TUBGCP4: variants seen among roughly 807,000 people sequenced by gnomAD.
TUBGCP4 encodes tubulin gamma complex component 4.
TUBGCP4 carries 54 observed loss-of-function variants against 91.6 expected under a neutral mutation model. That is an observed-to-expected ratio of 0.59 (90% CI 0.47 to 0.74). The LOEUF (loss-of-function observed/expected upper bound fraction) is 0.74, where lower values mean the gene tolerates loss of function less well. TUBGCP4 is among the 30% of genes least tolerant of loss of function. The probability of loss-of-function intolerance (pLI) is 0.00; values close to 1 mark genes in which losing one functional copy is unlikely to be tolerated. For synonymous variants in TUBGCP4, 297 were observed against 302.8 expected (o/e 0.98, Z 0.20); for missense variants, 593 against 800.9 (o/e 0.74, Z 3.13).
chr15:43,397,419 G>A (rs2044600052), intron 12 of TUBGCP4, 98 bp downstream of exon 12: 1 of 949,548 alleles, frequency 1.1e-6, no homozygotes. Context: ...ATATGATTTT[G>A]GATCTTAGAA....
chr15:43,409,652 C>G lies in TUBGCP4; in HGVS notation c.*4438C>G. ...TACACAAAGAAACTCCTCACCTGGG[C>G]TTCATTGAAATCTTCAAGGATATAG... On this transcript the variant is annotated 3_prime_UTR_variant, in exon 18 of 18. Transcript: ENST00000564079. 6.5e-7 allele frequency: 1 copy of G among 1,531,358 alleles called. No homozygotes were observed. Among genetic ancestry groups the G allele is most frequent in the Non-Finnish European group, 8.8e-7 (1 of 1,135,192 alleles). 94.9% of individuals were successfully genotyped at this position (1,531,358 alleles called of 1,614,324 possible).
intron 10 of TUBGCP4, 163 bp downstream of exon 10, chr15:43,395,320 GATA>G: frequency 1.3e-6 from 1 of 774,334 alleles, no homozygotes; most frequent in South Asian, 1.6e-5. Context: ...ACAAATCTAC[GATA>G]ATACAAAGAT....
chr15:43,377,950 T>A, intron 5 of TUBGCP4, 47 bp downstream of exon 5: 1 of 1,397,032 alleles, frequency 7.2e-7, no homozygotes, highest in Non-Finnish European at 9.8e-7. Flanking sequence ...ACTGAGGGAA[T>A]ATTACTAATT....
At chr15:43,403,400 AC>A in intron 15 of TUBGCP4, 1 of 256,938 alleles carries the variant, frequency 3.9e-6, no homozygotes, top group South Asian at 7.8e-5. Flanking sequence ...GCAGGAAGAC[AC>A]TCTGCGGGTC....
At chr15:43,402,228 C>G (rs2044698919) in intron 15 of TUBGCP4, 1 of 178,674 alleles carries the variant, frequency 5.6e-6, no homozygotes, top group African/African-American at 2.4e-5. Flanking sequence ...TGCAGTGAGC[C>G]AAGATCATTC....
chr15:43,403,593 T>C (rs938205232), intron 15 of TUBGCP4, 90 bp from the exon 16 acceptor site: 4 of 940,888 alleles, frequency 4.3e-6, no homozygotes, highest in Non-Finnish European at 6.7e-6. Flanking sequence ...ATTAATTAGA[T>C]CAGCTATTAA....
chr15:43,372,548 A>AC (rs1448100061), intron 1 of TUBGCP4, among the ~76,000 whole-genome samples: 1 of 151,368 alleles, frequency 6.6e-6, no homozygotes, highest in African/African-American at 2.4e-5. Flanking sequence ...ATATAGGAGG[A>AC]CAGTATTTAG....
At chr15:43,396,476 C>G (rs2044581237) in intron 11 of TUBGCP4, among the ~76,000 whole-genome samples, 1 of 152,186 alleles carries the variant, frequency 6.6e-6, no homozygotes, top group Admixed American at 6.5e-5. Context: ...AAAATACATA[C>G]ACACAGGCTG....
intron 9 of TUBGCP4, among the ~76,000 whole-genome samples, chr15:43,388,943 T>C (rs1313669693): frequency 6.6e-6 from 1 of 152,200 alleles, no homozygotes; most frequent in Non-Finnish European, 1.5e-5. Context: ...ACTATGTGAA[T>C]CTATTTCTGT....
At chr15:43,392,123 T>TA (rs2044481199) in intron 9 of TUBGCP4, among the ~76,000 whole-genome samples, 2 of 143,218 alleles carry the variant, frequency 1.4e-5, no homozygotes, top group African/African-American at 5.3e-5. Context: ...CACACACATA[T>TA]TTTTTTTTGT....
Position 43,383,451 on chromosome 15 carries a change from G to A in TUBGCP4, c.670G>A (p.Asp224Asn). Residue 224 changes from aspartate (D) to asparagine (N), a missense_variant, in exon 7 of 18, where the codon GAT becomes AAT. Coordinates refer to ENST00000564079, the MANE Select transcript of TUBGCP4 (RefSeq NM_014444.5). ...VSAQPEEDEEDLGIGGLTGKQ... is the reference protein window; with the variant it reads ...VSAQPEEDEENLGIGGLTGKQ... ...TGCCCAGCCAGAAGAGGACGAGGAG[G>A]ATCTGGGCATTGGGGGACTGACAGG... The A allele has an allele frequency of 1.2e-6, 2 of 1,613,788 alleles. No individual in the cohort carries two copies. The highest frequency in any genetic ancestry group is 1.7e-6 in the Non-Finnish European group (2 of 1,179,900).
At chr15:43,381,358 G>A (rs1383640494) in intron 6 of TUBGCP4, among the ~76,000 whole-genome samples, 1 of 152,060 alleles carries the variant, frequency 6.6e-6, no homozygotes, top group Non-Finnish European at 1.5e-5. Context: ...AAATAACACA[G>A]TCAAGTTCTT....
intron 12 of TUBGCP4, 73 bp downstream of exon 12, chr15:43,397,394 C>A: frequency 9.2e-7 from 1 of 1,084,232 alleles, no homozygotes; most frequent in Non-Finnish European, 1.4e-6. Context: ...GCTTCCATCC[C>A]CCGCCACAGA....
rs1416568038 is a variant in TUBGCP4 at position 43,406,408 on chromosome 15, G to GCTGT, written c.*1197_*1200dup. 9.2e-5 allele frequency: 31 copies of GCTGT among 337,294 alleles called. No homozygotes were observed. Among genetic ancestry groups the GCTGT allele is most frequent in the African/African-American group, 6.7e-4 (31 of 46,350 alleles). The allele number at this position is 337,294 out of a possible 1,614,324, so 20.9% of individuals were successfully genotyped here. A position where few individuals can be genotyped will look rare whatever the true frequency, so the allele number is the denominator to read the frequency against. ...TCAACTAAAGATCACCCTTTCTACT[G>GCTGT]CTGTCTCTGGAGCAGGAGCTGGCAA... On this transcript the variant is annotated 3_prime_UTR_variant, in exon 18 of 18. Coordinates refer to ENST00000564079, the MANE Select transcript of TUBGCP4 (RefSeq NM_014444.5).
At chr15:43,377,607 G>C (rs1811111171) in intron 4 of TUBGCP4, 1 of 375,450 alleles carries the variant, frequency 2.7e-6, no homozygotes, top group African/African-American at 3.9e-5. Flanking sequence ...GTGAGACCCT[G>C]TCTCAAAAAA....
chr15:43,407,324 C>G lies in TUBGCP4; in HGVS notation c.*2110C>G. On this transcript the variant is annotated 3_prime_UTR_variant, in exon 18 of 18. Coordinates refer to ENST00000564079, the MANE Select transcript of TUBGCP4 (RefSeq NM_014444.5). ...AGTTACACACAAGACACATTTAAAA[C>G]CTGGTTAAAACACAATCTCCACGAT... is the stretch of plus-strand genomic sequence containing the variant. The G allele has an allele frequency of 4.0e-6, 6 of 1,504,526 alleles. No individual in the cohort carries two copies. The highest frequency in any genetic ancestry group is 5.5e-6 in the Non-Finnish European group (6 of 1,091,284). The allele number at this position is 1,504,526 out of a possible 1,614,324, so 93.2% of individuals were successfully genotyped here. A position where few individuals can be genotyped will look rare whatever the true frequency, so the allele number is the denominator to read the frequency against.
At chr15:43,374,664 A>T (rs1470239841) in intron 1 of TUBGCP4, among the ~76,000 whole-genome samples, 2 of 152,186 alleles carry the variant, frequency 1.3e-5, no homozygotes, top group African/African-American at 4.8e-5. Context: ...GTTCTACTTC[A>T]GGGTATATCC....
intron 1 of TUBGCP4, among the ~76,000 whole-genome samples, chr15:43,373,807 C>A (rs1242620293): frequency 1.3e-5 from 2 of 152,146 alleles, no homozygotes; most frequent in Non-Finnish European, 2.9e-5. Flanking sequence ...TGCCGCCACA[C>A]CCGGCTAATT....
chr15:43,401,566 A>C (rs1010482766), intron 14 of TUBGCP4, 150 bp from the exon 15 acceptor site: 1 of 781,220 alleles, frequency 1.3e-6, no homozygotes, highest in Non-Finnish European at 2.1e-6. Flanking sequence ...GCTGGGCAAT[A>C]TAAGGGTGTC....
Sources: gnomAD v4.1 joint callset for allele counts (sites outside exome capture counted in the v4.1 genomes callset) on GRCh38, gnomAD v4.1.1 for gene constraint, MANE v1.5 for transcripts, NCBI Gene and HGNC (gene_info 2026-07-23, HGNC 2026-07-21) for gene names.